The following PPDPFL variants were observed in gnomAD, a reference collection of about 807,000 sequenced individuals.
The protein encoded by PPDPFL is pancreatic progenitor cell differentiation and proliferation factor-like protein.
In PPDPFL, 12 loss-of-function variants were observed where a neutral mutation model predicts 12.6. That is an observed-to-expected ratio of 0.95 (90% CI 0.61 to 1.54). PPDPFL has a LOEUF of 1.54. Ranked by LOEUF, PPDPFL falls within the 40% of genes most tolerant of loss-of-function variation. PPDPFL has a pLI of 0.00. For missense variants in PPDPFL, 114 were observed against 96.0 expected, an observed-to-expected ratio of 1.19 and a Z score of -0.78; for synonymous variants, 24 against 32.7, an observed-to-expected ratio of 0.73 and a Z score of 0.91.
chr8:49,065,713 G>C (rs1311103408), intron 1 of PPDPFL, among the ~76,000 whole-genome samples: 4 of 152,220 alleles, frequency 2.6e-5, no homozygotes, highest in African/African-American at 9.6e-5. Context: ...CAAGTGGAAG[G>C]AAATGACTGG....
rs73678332 is a variant in PPDPFL, at chr8:49,073,110, C to T, written c.55+225C>T. Among the ~76,000 whole-genome samples, 1,371 of 152,318 alleles carry T rather than the reference C, an allele frequency of 9.0e-3. 21 individuals are homozygous for T. The highest frequency in any genetic ancestry group is 0.031 in the African/African-American group (1,309 of 41,570). ...GTTGAAGCCATTGACACTTAAAAAT[C>T]AGTGAACATCGGCTTATGTTTCATT... is the stretch of plus-strand genomic sequence containing the variant. On this transcript the variant is annotated intron_variant, in intron 2 of 4. Coordinates refer to ENST00000522267, the MANE Select transcript of PPDPFL (RefSeq NM_001256597.2).
At chr8:49,068,115 T>G (rs1213826238), upstream of PPDPFL, among the ~76,000 whole-genome samples, 2 of 152,216 alleles carry the variant, frequency 1.3e-5, no homozygotes, top group African/African-American at 4.8e-5. Context: ...AGGGATGCAT[T>G]AGTTTTATTA....
chr8:49,066,549 C>T (rs1003404440), intron 1 of PPDPFL, among the ~76,000 whole-genome samples: 4 of 152,230 alleles, frequency 2.6e-5, no homozygotes, highest in Admixed American at 1.3e-4. Context: ...CAGGATTTAT[C>T]GGGAAAGCAT....
intron 2 of PPDPFL, among the ~76,000 whole-genome samples, chr8:49,073,631 A>G (rs528638073): frequency 2.0e-5 from 3 of 152,338 alleles, no homozygotes; most frequent in Non-Finnish European, 4.4e-5. Context: ...CAAGCCTAAT[A>G]AGACAAAATG....
intron 1 of PPDPFL, among the ~76,000 whole-genome samples, chr8:49,066,728 G>A (rs1445648343): frequency 6.6e-6 from 1 of 152,190 alleles, no homozygotes; most frequent in African/African-American, 2.4e-5. Flanking sequence ...CAGCCAGGGT[G>A]TAAGGAGGCA....
intron 1 of PPDPFL, among the ~76,000 whole-genome samples, chr8:49,064,260 A>T (rs1320880230): frequency 6.6e-6 from 1 of 152,174 alleles, no homozygotes; most frequent in Non-Finnish European, 1.5e-5. Context: ...GACCAGTGGT[A>T]CAGAAAGTTC....
intron 1 of PPDPFL, among the ~76,000 whole-genome samples, chr8:49,059,836 G>A (rs1022703751): frequency 2.0e-5 from 3 of 152,074 alleles, no homozygotes; most frequent in Non-Finnish European, 4.4e-5. Flanking sequence ...TGTAGTTTCT[G>A]GCAACAGCTT....
rs778679038 is a variant in PPDPFL, at chr8:49,075,207, G to C, written c.*34G>C. 3 of 1,613,842 alleles carry C rather than the reference G, an allele frequency of 1.9e-6. No homozygotes were observed. The highest frequency in any genetic ancestry group is 1.7e-5 in the Admixed American group (1 of 59,998). ...CTTTGCACTGCCATTTGATGAACATGTTGGTAACGGTTGCCTGCCTTATGT... is the reference window on the plus strand; with the variant it reads ...CTTTGCACTGCCATTTGATGAACATCTTGGTAACGGTTGCCTGCCTTATGT... On this transcript the variant is annotated 3_prime_UTR_variant, in exon 5 of 5. Transcript: ENST00000522267.
chr8:49,075,321 T>G lies in PPDPFL; in HGVS notation c.*148T>G. The G allele has an allele frequency of 6.7e-7, 1 of 1,492,524 alleles. No individual in the cohort carries two copies. The highest frequency in any genetic ancestry group is 9.4e-7 in the Non-Finnish European group (1 of 1,069,238). 92.5% of individuals were successfully genotyped at this position (1,492,524 alleles called of 1,614,324 possible). On this transcript the variant is annotated 3_prime_UTR_variant, in exon 5 of 5. Transcript: ENST00000522267. ...AGCTCCCCTTCAGCGCCCCAGCTAT[T>G]CCAGGACTCTTCTCCATTGTAAGAA...
In PPDPFL at chr8:49,075,331, T is replaced by C. The variant is rs1014985112; in HGVS notation, c.*158T>C. ...CAGCGCCCCAGCTATTCCAGGACTC[T>C]TCTCCATTGTAAGAAGACAGAAATG... is the stretch of plus-strand genomic sequence containing the variant. On this transcript the variant is annotated 3_prime_UTR_variant, in exon 5 of 5. Coordinates refer to ENST00000522267, the MANE Select transcript of PPDPFL (RefSeq NM_001256597.2). 2.1e-6 allele frequency: 3 copies of C among 1,439,336 alleles called. No homozygotes were observed. Among genetic ancestry groups the C allele is most frequent in the Non-Finnish European group, 2.0e-6 (2 of 1,021,222 alleles). 89.2% of individuals were successfully genotyped at this position (1,439,336 alleles called of 1,614,324 possible).
At chr8:49,072,021 C>G (rs1387802349), upstream of PPDPFL, among the ~76,000 whole-genome samples, 1 of 152,222 alleles carries the variant, frequency 6.6e-6, no homozygotes, top group Non-Finnish European at 1.5e-5. Context: ...CAGCGTGGTG[C>G]TGCAGGTGGA....
At chr8:49,057,704 G>C (rs1188774849) in intron 1 of PPDPFL, among the ~76,000 whole-genome samples, 1 of 152,120 alleles carries the variant, frequency 6.6e-6, no homozygotes, top group African/African-American at 2.4e-5. Context: ...TTTTAATGAA[G>C]TTCACTGAAG....
At chr8:49,074,690 A>T (rs1394509630) in intron 4 of PPDPFL, 2 of 1,485,486 alleles carry the variant, frequency 1.3e-6, no homozygotes, top group Middle Eastern at 1.8e-4. Context: ...TTGTTGTCTT[A>T]AATAACCTTA....
At chr8:49,059,677 T>A (rs1808166351) in intron 1 of PPDPFL, among the ~76,000 whole-genome samples, 1 of 152,252 alleles carries the variant, frequency 6.6e-6, no homozygotes, top group Non-Finnish European at 1.5e-5. Flanking sequence ...ATAGTAATAA[T>A]ACTTTAGAAA....
intron 1 of PPDPFL, among the ~76,000 whole-genome samples, chr8:49,057,091 G>A (rs1390436179): frequency 6.6e-6 from 1 of 152,116 alleles, no homozygotes; most frequent in African/African-American, 2.4e-5. Context: ...TTGAAAGCTT[G>A]TGACATATGT....
At chr8:49,061,984 T>C (rs1808214631) in intron 1 of PPDPFL, among the ~76,000 whole-genome samples, 1 of 152,206 alleles carries the variant, frequency 6.6e-6, no homozygotes, top group African/African-American at 2.4e-5. Flanking sequence ...CAGGGCTCTT[T>C]CCTTGCTTAA....
intron 1 of PPDPFL, among the ~76,000 whole-genome samples, chr8:49,057,285 G>A (rs1055008452): frequency 1.3e-5 from 2 of 152,052 alleles, no homozygotes; most frequent in African/African-American, 4.8e-5. Context: ...TGAATGAAGG[G>A]TCGTGAATTT....
rs986656888 is a variant in PPDPFL, at chr8:49,074,506, G to T, written c.233+173G>T. ...GTGGCACTAACAGAGCTCCCTCCTT[G>T]CAGGTCGCTGTCAGGAAGATCATAG... is the stretch of plus-strand genomic sequence containing the variant. On this transcript the variant is annotated intron_variant, in intron 4 of 4. Transcript: ENST00000522267. 8 of 1,537,874 alleles carry T rather than the reference G, an allele frequency of 5.2e-6. No individual in the cohort carries two copies. In the African/African-American group the frequency reaches 9.6e-5, roughly 18 times the overall value.
chr8:49,073,585 A>C (rs1808431832), intron 2 of PPDPFL, among the ~76,000 whole-genome samples: 1 of 152,198 alleles, frequency 6.6e-6, no homozygotes. Flanking sequence ...AGTTACTTTT[A>C]TATTCTGATC....
Sources: allele counts gnomAD v4.1 joint callset (sites outside exome capture counted in the v4.1 genomes callset), GRCh38; gene constraint gnomAD v4.1.1; transcripts MANE v1.5; gene names NCBI Gene and HGNC (gene_info 2026-07-23, HGNC 2026-07-21).